USH1C: variants seen among roughly 807,000 people sequenced by gnomAD.
USH1C encodes USH1 protein network component harmonin, also known as harmonin.
USH1C carries 90 observed loss-of-function variants against 119.3 expected under a neutral mutation model. The observed-to-expected ratio is 0.75, with a 90% confidence interval of 0.64 to 0.90. The LOEUF (loss-of-function observed/expected upper bound fraction) is 0.90. USH1C is among the 40% of genes least tolerant of loss of function. USH1C has a pLI of 0.00. For missense variants in USH1C, 1,165 were observed against 1,167.7 expected (o/e 1.00, Z 0.03); for synonymous variants, 465 against 443.3 (o/e 1.05, Z -0.62).
intron 18 of USH1C, among the ~76,000 whole-genome samples, chr11:17,506,574 C>G (rs1166485416): frequency 6.6e-6 from 1 of 152,228 alleles, no homozygotes; most frequent in Non-Finnish European, 1.5e-5. Context: ...TCATGAGCTT[C>G]TCTAGCTTCC....
chr11:17,544,196 C>G, intron 1 of USH1C, 76 bp downstream of exon 1: 2 of 1,581,840 alleles, frequency 1.3e-6, no homozygotes, highest in South Asian at 2.2e-5. Flanking sequence ...AGGGGCAGTG[C>G]CGGGGTGTCC....
chr11:17,542,352 C>T (rs1404534934), intron 1 of USH1C, among the ~76,000 whole-genome samples: 1 of 152,278 alleles, frequency 6.6e-6, no homozygotes. Flanking sequence ...GCTTCATCCT[C>T]TCTCCCCAGT....
At chr11:17,512,377 C>A (rs1011922272) in intron 15 of USH1C, among the ~76,000 whole-genome samples, 1 of 152,232 alleles carries the variant, frequency 6.6e-6, no homozygotes, top group Non-Finnish European at 1.5e-5. Flanking sequence ...ACCTCCCCCA[C>A]AGGCTTGCCA....
At chr11:17,533,543 C>G (rs924397841) in intron 1 of USH1C, 1 of 635,480 alleles carries the variant, frequency 1.6e-6, no homozygotes. Context: ...CGCTGCCCCT[C>G]CAGATGTGGC....
Position 17,505,940 on chromosome 11 carries a change from G to C in USH1C, c.2023C>G (p.Pro675Ala), listed in dbSNP as rs1426634598. The change falls in exon 19 of 27, where the codon CCA becomes GCA. Residue 675 changes from proline (P) to alanine (A), a missense_variant. Coordinates refer to ENST00000005226, the MANE Select transcript of USH1C (RefSeq NM_153676.4). The stretch of plus-strand genomic sequence containing the variant: ...GGGCCTCGTGGAGGCTGTGGGCTTG[G>C]GCAAAATGTCTAAGGAGTTAGTTTA... Reference protein sequence around the residue: ...SFPPTPKTFCPSPQPPRGPGV... With the variant: ...SFPPTPKTFCASPQPPRGPGV... The C allele has an allele frequency of 2.5e-6, 4 of 1,614,084 alleles. No homozygotes were observed. Among genetic ancestry groups the C allele is most frequent in the Non-Finnish European group, 3.4e-6 (4 of 1,180,042 alleles).
In USH1C at chr11:17,521,036, C is replaced by T. The variant is rs2108332; in HGVS notation, c.1086-42G>A. The T allele has an allele frequency of 0.6, 972,070 of 1,607,980 alleles. 296,013 individuals carry two copies. Among genetic ancestry groups the T allele is most frequent in the South Asian group, 0.72 (65,389 of 90,984 alleles). ...ATGCCTGTTACTGGAGTCAGAACCC[C>T]CATAGGCCCATCTCCTGCATATCGG... On this transcript the variant is annotated intron_variant, in intron 13 of 26. Coordinates refer to ENST00000005226, the MANE Select transcript of USH1C (RefSeq NM_153676.4).
chr11:17,513,180 G>A (rs537819861), intron 15 of USH1C, among the ~76,000 whole-genome samples: 1 of 152,190 alleles, frequency 6.6e-6, no homozygotes, highest in Non-Finnish European at 1.5e-5. Flanking sequence ...GTGCCCTGAT[G>A]AGCTGGGGGC....
rs1850962082 is a variant in USH1C at position 17,531,283 on chromosome 11, C to T, written c.258G>A (p.Lys86=). Residue 86 remains lysine (K), a synonymous_variant, in exon 4 of 27, where the codon AAG becomes AAA. Coordinates refer to ENST00000005226, the MANE Select transcript of USH1C (RefSeq NM_153676.4). This position sits in a 1 kb window ranked among gnomAD's most constrained non-coding sequence, Gnocchi z 4.2. ...QLTPRRSRKL[K]EVRLDRLHPE... ...GGTGCAGACGGTCCAGACGCACCTCCTTCAGCTTCCTGCCACACAGGAGAG... is the reference window on the plus strand; with the variant it reads ...GGTGCAGACGGTCCAGACGCACCTCTTTCAGCTTCCTGCCACACAGGAGAG... 7.4e-6 allele frequency: 12 copies of T among 1,614,152 alleles called. No individual in the cohort carries two copies. Among genetic ancestry groups the T allele is most frequent in the Non-Finnish European group, 9.3e-6 (11 of 1,180,044 alleles).
intron 1 of USH1C, among the ~76,000 whole-genome samples, chr11:17,534,890 A>G (rs397849179): frequency 1.6e-5 from 2 of 128,154 alleles, no homozygotes; most frequent in East Asian, 4.8e-4. Flanking sequence ...AAAAAAAAAA[A>G]AAGGAGCTCC....
intron 1 of USH1C, 29 bp from the exon 2 acceptor site, chr11:17,533,351 T>G: frequency 6.5e-7 from 1 of 1,530,014 alleles, no homozygotes; most frequent in Non-Finnish European, 9.0e-7. Flanking sequence ...GAATCACAGC[T>G]CCAGGCTCAG....
chr11:17,520,843 C>A (rs1850377047), intron 14 of USH1C, 27 bp downstream of exon 14: 1 of 1,613,848 alleles, frequency 6.2e-7, no homozygotes, highest in Non-Finnish European at 8.5e-7. Flanking sequence ...GTTCCCTTAG[C>A]CTCTCCCCTC....
chr11:17,531,070 T>C lies in USH1C; in HGVS notation c.387+84A>G, dbSNP rs1592022262. On this transcript the variant is annotated intron_variant, in intron 4 of 26. Coordinates refer to ENST00000005226, the MANE Select transcript of USH1C (RefSeq NM_153676.4). The surrounding 1 kb of genome is among the most constrained non-coding windows in gnomAD (Gnocchi z 4.2). ...CTCAGAAAAGTGGGTGACCATGTTG[T>C]GCCACACAGCCTAGTGGATGAATGA... 6.2e-7 allele frequency: 1 copy of C among 1,602,602 alleles called. No homozygotes were observed. The highest frequency in any genetic ancestry group is 2.2e-5 in the East Asian group (1 of 44,674).
At chr11:17,502,802 G>T (rs1007659975) in intron 20 of USH1C, among the ~76,000 whole-genome samples, 2 of 152,150 alleles carry the variant, frequency 1.3e-5, no homozygotes. Flanking sequence ...GGGAGCCAGG[G>T]GCATCCCCAG....
At chr11:17,522,374 C>T (rs1592002034) in intron 12 of USH1C, among the ~76,000 whole-genome samples, 1 of 152,280 alleles carries the variant, frequency 6.6e-6, no homozygotes, top group South Asian at 2.1e-4. Flanking sequence ...GAGTGTCAGT[C>T]TCCACACCTC....
chr11:17,501,341 C>T lies in USH1C; in HGVS notation c.2280+141G>A, dbSNP rs575982757. The T allele has an allele frequency of 2.7e-5, 30 of 1,125,020 alleles. No homozygotes were observed. The African/African-American group carries it at 3.4e-4, about 13-fold the overall frequency. 69.7% of individuals were successfully genotyped at this position (1,125,020 alleles called of 1,614,324 possible). ...GGTATGCGGCCCTACAACAGAGGGG[C>T]GTCTCCGTGGGAGAGGGGAGGACAG... On this transcript the variant is annotated intron_variant, in intron 22 of 26. Transcript: ENST00000005226.
At chr11:17,520,770 G>C (rs1033762325) in intron 14 of USH1C, 100 bp downstream of exon 14, 13 of 1,432,054 alleles carry the variant, frequency 9.1e-6, no homozygotes, top group Non-Finnish European at 1.3e-5. Context: ...ACAGCCCAGA[G>C]CACCAAGGGC....
At chr11:17,502,262 G>A (rs1215490383) in intron 20 of USH1C, among the ~76,000 whole-genome samples, 6 of 152,098 alleles carry the variant, frequency 3.9e-5, no homozygotes, top group Middle Eastern at 3.2e-3. Context: ...CACCAGTGAC[G>A]TCTAGATGGT....
chr11:17,510,323 G>A, intron 17 of USH1C, 82 bp downstream of exon 17: 1 of 1,178,646 alleles, frequency 8.5e-7, no homozygotes, highest in South Asian at 1.3e-5. Context: ...TTTGCTAGTT[G>A]TCATCTCACC....
chr11:17,506,609 C>T (rs145708717), intron 18 of USH1C, among the ~76,000 whole-genome samples: 7 of 152,336 alleles, frequency 4.6e-5, no homozygotes, highest in East Asian at 3.9e-4. Context: ...TCTCACTCCT[C>T]GCCACGCTCC....
Sources: gnomAD v4.1 joint callset for allele counts (sites outside exome capture counted in the v4.1 genomes callset) on GRCh38, gnomAD v4.1.1 for gene constraint, Gnocchi (gnomAD v3.1) non-coding constraint, MANE v1.5 for transcripts, NCBI Gene and HGNC (gene_info 2026-07-23, HGNC 2026-07-21) for gene names.